Variants in SDC2 observed in about 807,000 individuals in gnomAD.
The protein encoded by SDC2 is syndecan 2, also known as syndecan-2.
SDC2 carries 13 observed loss-of-function variants against 22.2 expected under a neutral mutation model. The observed-to-expected ratio is 0.59, with a 90% confidence interval of 0.38 to 0.93. The LOEUF is 0.93. Ranked by LOEUF, SDC2 falls within the 40% of genes least tolerant of loss-of-function variation. The pLI, the probability that SDC2 is intolerant of heterozygous loss-of-function variation, is 0.00. For missense variants in SDC2, 235 were observed against 246.8 expected, an observed-to-expected ratio of 0.95 and a Z score of 0.32; for synonymous variants, 94 against 92.8, an observed-to-expected ratio of 1.01 and a Z score of -0.07.
chr8:96,546,467 G>T (rs909978135), intron 1 of SDC2, among the ~76,000 whole-genome samples: 1 of 152,068 alleles, frequency 6.6e-6, no homozygotes, highest in Non-Finnish European at 1.5e-5. Context: ...ACAATAGCTT[G>T]AAGAACAAAG....
At chr8:96,511,402 GACTT>G (rs912603160) in intron 1 of SDC2, among the ~76,000 whole-genome samples, 2 of 152,164 alleles carry the variant, frequency 1.3e-5, no homozygotes, top group African/African-American at 4.8e-5. Flanking sequence ...CCCCACCTGA[GACTT>G]ACTGAATCGT....
intron 3 of SDC2, among the ~76,000 whole-genome samples, chr8:96,607,358 AC>A (rs965891188): frequency 2.0e-5 from 3 of 152,104 alleles, no homozygotes; most frequent in Admixed American, 6.5e-5. Flanking sequence ...GGAAATGAGA[AC>A]CCAAGGGAAG....
Position 96,609,486 on chromosome 8 carries a change from G to A in SDC2, c.544G>A (p.Gly182Arg). Residue 182 changes from glycine (G) to arginine (R), a missense_variant, in exon 5 of 5, where the codon GGA becomes AGA. Physicochemically the swap from Gly to Arg is moderately radical, Grantham distance 125. Coordinates refer to ENST00000302190, the MANE Select transcript of SDC2 (RefSeq NM_002998.4). ...GAAGGATGAAGGAAGCTATGACCTT[G>A]GAGAACGCAAACCATCCAGTGCTGC... ...RKKDEGSYDL[G>R]ERKPSSAAYQ... The A allele has an allele frequency of 6.2e-7, 1 of 1,613,366 alleles. No individual in the cohort carries two copies. The highest frequency in any genetic ancestry group is 8.5e-7 in the Non-Finnish European group (1 of 1,179,642).
rs985978896 is a variant in SDC2 at position 96,533,223 on chromosome 8, G to A, written c.60+38892G>A. Among the ~76,000 whole-genome samples, 22 of 152,302 alleles carry A rather than the reference G, an allele frequency of 1.4e-4. 1 individual carries two copies. Among genetic ancestry groups the A allele is most frequent in the Admixed American group, 2.0e-4 (3 of 15,300 alleles). On this transcript the variant is annotated intron_variant, in intron 1 of 4. Transcript: ENST00000302190. ...AGAGCAAAAGAACAAAGCTTCCACA[G>A]TGTGGAAGGGGGACCCGAGCAGGTT...
chr8:96,587,365 A>G (rs1037532002), intron 1 of SDC2, among the ~76,000 whole-genome samples: 2 of 152,210 alleles, frequency 1.3e-5, no homozygotes, highest in African/African-American at 4.8e-5. Context: ...GGAAATTGCT[A>G]CATACTAGTT....
chr8:96,603,925 A>C (rs1258679859), intron 3 of SDC2, among the ~76,000 whole-genome samples: 1 of 152,334 alleles, frequency 6.6e-6, no homozygotes, highest in Admixed American at 6.5e-5. Context: ...TACTGTATCA[A>C]TGTTTCAGTT....
chr8:96,583,603 A>T (rs528659095), intron 1 of SDC2, among the ~76,000 whole-genome samples: 1 of 150,796 alleles, frequency 6.6e-6, no homozygotes, highest in South Asian at 2.1e-4. Flanking sequence ...ACATAAATCC[A>T]CCACCCTAAC....
intron 1 of SDC2, among the ~76,000 whole-genome samples, chr8:96,525,502 G>C (rs995620547): frequency 6.6e-6 from 1 of 152,138 alleles, no homozygotes; most frequent in East Asian, 1.9e-4. Context: ...TTGCTTGGGG[G>C]CATGGAGAAG....
intron 1 of SDC2, among the ~76,000 whole-genome samples, chr8:96,512,702 TA>T (rs1253415888): frequency 9.9e-5 from 15 of 152,184 alleles, no homozygotes. Context: ...GCACGTGACA[TA>T]AAGGGTATTT....
At chr8:96,577,196 A>G (rs1168157204) in intron 1 of SDC2, among the ~76,000 whole-genome samples, 1 of 152,242 alleles carries the variant, frequency 6.6e-6, no homozygotes, top group Non-Finnish European at 1.5e-5. Flanking sequence ...TATAACTTCC[A>G]GAAGTCCAGG....
intron 1 of SDC2, among the ~76,000 whole-genome samples, chr8:96,558,878 A>C (rs1016871216): frequency 2.6e-5 from 4 of 152,176 alleles, no homozygotes; most frequent in Admixed American, 1.3e-4. Context: ...CATGAATGTA[A>C]TAGTAAACTA....
At chr8:96,566,600 A>G (rs1814302758) in intron 1 of SDC2, among the ~76,000 whole-genome samples, 1 of 151,984 alleles carries the variant, frequency 6.6e-6, no homozygotes, top group Admixed American at 6.6e-5. Flanking sequence ...GCATATATAC[A>G]TAACAAAGGA....
chr8:96,494,137 C>G lies in SDC2; in HGVS notation c.-135C>G, dbSNP rs1356994466. The G allele has an allele frequency of 3.4e-6, 3 of 880,656 alleles. No homozygotes were observed. Among genetic ancestry groups the G allele is most frequent in the Non-Finnish European group, 3.4e-6 (2 of 595,526 alleles). The allele number at this position is 880,656 out of a possible 1,614,324, so 54.6% of individuals were successfully genotyped here. A position where few individuals can be genotyped will look rare whatever the true frequency, so the allele number is the denominator to read the frequency against. Reference sequence around the variant, plus strand: ...GCGCCCCCGAGCCCCGAGCCCGAGTCCCCGAGCCTGAGCCGCAATCGCTGC... The same window carrying G: ...GCGCCCCCGAGCCCCGAGCCCGAGTGCCCGAGCCTGAGCCGCAATCGCTGC... On this transcript the variant is annotated 5_prime_UTR_variant, in exon 1 of 5. Transcript: ENST00000302190.
chr8:96,593,880 T>C (rs1373736841), intron 2 of SDC2, among the ~76,000 whole-genome samples: 1 of 152,208 alleles, frequency 6.6e-6, no homozygotes, highest in Non-Finnish European at 1.5e-5. Context: ...CATCTAAAGC[T>C]CTTAGATTTG....
chr8:96,592,559 A>G (rs923473903), intron 1 of SDC2, among the ~76,000 whole-genome samples: 2 of 152,152 alleles, frequency 1.3e-5, no homozygotes, highest in African/African-American at 4.8e-5. Flanking sequence ...TCAATTTACT[A>G]AAACCATTTT....
At chr8:96,595,085 TAATA>T (rs1374572330) in intron 2 of SDC2, among the ~76,000 whole-genome samples, 1 of 152,158 alleles carries the variant, frequency 6.6e-6, no homozygotes, top group Non-Finnish European at 1.5e-5. Context: ...CATACTTAAT[TAATA>T]GTCAAGTGAG....
At chr8:96,552,272 A>G (rs1187862617) in intron 1 of SDC2, among the ~76,000 whole-genome samples, 2 of 152,212 alleles carry the variant, frequency 1.3e-5, no homozygotes, top group South Asian at 2.1e-4. Flanking sequence ...TCTTGGGACT[A>G]TATTCTATCC....
At chr8:96,582,200 A>T (rs979289046) in intron 1 of SDC2, among the ~76,000 whole-genome samples, 2 of 151,538 alleles carry the variant, frequency 1.3e-5, no homozygotes, top group African/African-American at 4.9e-5. Context: ...GGCCATTATC[A>T]TTTATTTTAC....
At chr8:96,598,091 A>G (rs1013759750) in intron 2 of SDC2, among the ~76,000 whole-genome samples, 2 of 152,100 alleles carry the variant, frequency 1.3e-5, no homozygotes, top group African/African-American at 4.8e-5. Flanking sequence ...GGGCTTTCTG[A>G]CTACTTTTTA....
Sources: gnomAD v4.1 joint callset for allele counts (sites outside exome capture counted in the v4.1 genomes callset) on GRCh38, gnomAD v4.1.1 for gene constraint, MANE v1.5 for transcripts, NCBI Gene and HGNC (gene_info 2026-07-23, HGNC 2026-07-21) for gene names.